Variants in NUMB observed in about 807,000 individuals in gnomAD.
NUMB encodes protein numb homolog.
Under a neutral mutation model 59.7 loss-of-function variants are expected in NUMB, and 29 were observed. The ratio of observed to expected loss-of-function variants is 0.49; its 90% CI spans 0.36 to 0.66. The LOEUF is 0.66. NUMB is among the 30% of genes least tolerant of loss of function. The pLI, the probability that NUMB is intolerant of heterozygous loss-of-function variation, is 0.00. For missense variants in NUMB, 723 were observed against 822.0 expected (o/e 0.88, Z 1.47); for synonymous variants, 288 against 288.2 (o/e 1.00, Z 0.01).
At chr14:73,457,396 G>A (rs1270447190) in intron 1 of NUMB, among the ~76,000 whole-genome samples, 2 of 152,114 alleles carry the variant, frequency 1.3e-5, no homozygotes, top group Non-Finnish European at 2.9e-5. Flanking sequence ...TTACGAAACT[G>A]AAGTTTCTTC....
chr14:73,385,495 CCTTTTTT>C (rs1895466607), intron 2 of NUMB, among the ~76,000 whole-genome samples: 1 of 67,546 alleles, frequency 1.5e-5, no homozygotes. Flanking sequence ...TGGCTAGTGG[CCTTTTTT>C]TTTTTTTTTT....
At chr14:73,386,226 G>C (rs948780180) in intron 2 of NUMB, among the ~76,000 whole-genome samples, 6 of 152,228 alleles carry the variant, frequency 3.9e-5, no homozygotes, top group Admixed American at 2.0e-4. Flanking sequence ...TCCAGCCTGG[G>C]CAACATAGTG....
intron 9 of NUMB, chr14:73,286,747 G>A: frequency 3.4e-6 from 1 of 291,704 alleles, no homozygotes; most frequent in Non-Finnish European, 6.6e-6. Context: ...TTAAGCCCTG[G>A]GACCTCTGCT....
chr14:73,387,490 G>A (rs1348799244), intron 2 of NUMB, among the ~76,000 whole-genome samples: 8 of 152,026 alleles, frequency 5.3e-5, no homozygotes, highest in Admixed American at 5.2e-4. Context: ...TTTATAAGAG[G>A]CTTTTCCCCT....
chr14:73,415,039 A>G (rs982690567), intron 1 of NUMB, among the ~76,000 whole-genome samples: 42 of 152,224 alleles, frequency 2.8e-4, no homozygotes, highest in Non-Finnish European at 6.2e-4. Context: ...TTAAAAATAC[A>G]CACAAAACAC....
At chr14:73,377,706 C>T (rs1188960100) in intron 2 of NUMB, among the ~76,000 whole-genome samples, 1 of 151,844 alleles carries the variant, frequency 6.6e-6, no homozygotes, top group Admixed American at 6.6e-5. Context: ...GTGGCTCACG[C>T]CTGTAATCCC....
chr14:73,291,372 T>TGC (rs1889388114), intron 8 of NUMB, among the ~76,000 whole-genome samples: 1 of 151,952 alleles, frequency 6.6e-6, no homozygotes, highest in African/African-American at 2.4e-5. Context: ...TGAGCCACCG[T>TGC]GCCTGGCCTA....
At chr14:73,369,866 G>A (rs2140052745) in intron 2 of NUMB, among the ~76,000 whole-genome samples, 2 of 152,284 alleles carry the variant, frequency 1.3e-5, no homozygotes, top group Admixed American at 1.3e-4. Context: ...GCTCCTCTAT[G>A]TTCCTGCTTC....
At chr14:73,334,733 T>A (rs1187667029) in intron 4 of NUMB, among the ~76,000 whole-genome samples, 1 of 151,996 alleles carries the variant, frequency 6.6e-6, no homozygotes, top group Non-Finnish European at 1.5e-5. Flanking sequence ...TCACCTGAAG[T>A]CAGGAGTTCG....
chr14:73,295,623 CACTT>C (rs1296614072), intron 7 of NUMB, among the ~76,000 whole-genome samples: 1 of 151,994 alleles, frequency 6.6e-6, no homozygotes, highest in Non-Finnish European at 1.5e-5. Flanking sequence ...TATATTAAAC[CACTT>C]GAAATTTACC....
At chr14:73,417,467 G>C (rs1324958212) in intron 1 of NUMB, among the ~76,000 whole-genome samples, 2 of 151,922 alleles carry the variant, frequency 1.3e-5, no homozygotes, top group Admixed American at 1.3e-4. Context: ...GTCCCAGAAG[G>C]GGGTCAGGAA....
At chr14:73,420,795 T>C (rs530481688) in intron 1 of NUMB, among the ~76,000 whole-genome samples, 4 of 152,090 alleles carry the variant, frequency 2.6e-5, no homozygotes, top group Admixed American at 6.6e-5. Context: ...ATTATGGAAA[T>C]AGACACTTGC....
At chr14:73,324,076 T>A (rs1227990772) in intron 4 of NUMB, among the ~76,000 whole-genome samples, 1 of 152,224 alleles carries the variant, frequency 6.6e-6, no homozygotes, top group Non-Finnish European at 1.5e-5. Flanking sequence ...TTGTTATTTA[T>A]GCCCTCCCTG....
At chr14:73,282,174 GA>G (rs1333881453) in intron 11 of NUMB, 184 bp downstream of exon 11, 1 of 524,206 alleles carries the variant, frequency 1.9e-6, no homozygotes, top group Non-Finnish European at 3.3e-6. Context: ...AGACATCTTA[GA>G]AAACAGGAAG....
At chr14:73,326,829 A>G (rs555898430) in intron 4 of NUMB, among the ~76,000 whole-genome samples, 1 of 152,240 alleles carries the variant, frequency 6.6e-6, no homozygotes, top group South Asian at 2.1e-4. Context: ...TGTCTAACCT[A>G]ATAACTACTC....
chr14:73,401,939 G>A (rs920072277), intron 2 of NUMB, among the ~76,000 whole-genome samples: 2 of 152,146 alleles, frequency 1.3e-5, no homozygotes, highest in African/African-American at 4.8e-5. Flanking sequence ...AGAGCTCACT[G>A]CAGCCTCAAA....
At chr14:73,341,297 A>G (rs1892619698) in intron 4 of NUMB, among the ~76,000 whole-genome samples, 2 of 152,346 alleles carry the variant, frequency 1.3e-5, no homozygotes, top group African/African-American at 4.8e-5. Flanking sequence ...TAACGGAACA[A>G]TAAATTTATG....
chr14:73,307,976 G>A (rs565021712), intron 6 of NUMB, among the ~76,000 whole-genome samples: 79 of 151,740 alleles, frequency 5.2e-4, no homozygotes, highest in Admixed American at 7.9e-4. Context: ...CTCGTGATCC[G>A]CCCGCCTCGT....
intron 1 of NUMB, among the ~76,000 whole-genome samples, chr14:73,454,093 G>A (rs1308968933): frequency 1.3e-5 from 2 of 151,808 alleles, no homozygotes; most frequent in African/African-American, 4.8e-5. Context: ...AAGAACTATT[G>A]GGTACTATGC....
Sources: gnomAD v4.1 joint callset for allele counts (sites outside exome capture counted in the v4.1 genomes callset) on GRCh38, gnomAD v4.1.1 for gene constraint, MANE v1.5 for transcripts, NCBI Gene and HGNC (gene_info 2026-07-23, HGNC 2026-07-21) for gene names.